CACNA1C: variants seen among roughly 807,000 people sequenced by gnomAD.
CACNA1C encodes voltage-dependent L-type calcium channel subunit alpha-1C.
In CACNA1C, 30 loss-of-function variants were observed where a neutral mutation model predicts 229.0. The observed-to-expected ratio is 0.13, with a 90% CI of 0.10 to 0.18. The LOEUF is 0.18. Among genes scored for constraint, CACNA1C ranks in the 10% least tolerant of loss-of-function variants. The pLI is 1.00. For missense variants in CACNA1C, 1,658 were observed against 2,845.0 expected, an observed-to-expected ratio of 0.58 and a Z score of 9.49; for synonymous variants, 1,114 against 1,132.5, an observed-to-expected ratio of 0.98 and a Z score of 0.33.
upstream of CACNA1C, among the ~76,000 whole-genome samples, chr12:2,051,149 T>C (rs925521195): frequency 6.6e-6 from 1 of 152,146 alleles, no homozygotes; most frequent in African/African-American, 2.4e-5. Context: ...GAGGTCCTGG[T>C]GAGCCTCACT....
intron 7 of CACNA1C, among the ~76,000 whole-genome samples, chr12:2,495,914 A>G (rs1013366871): frequency 3.9e-5 from 6 of 152,062 alleles, no homozygotes; most frequent in Non-Finnish European, 8.8e-5. Context: ...CCTGCTTTCA[A>G]TTTCTCTAAT....
intron 3 of CACNA1C, among the ~76,000 whole-genome samples, chr12:2,244,140 C>T (rs1416160788): frequency 6.6e-6 from 1 of 152,240 alleles, no homozygotes; most frequent in Non-Finnish European, 1.5e-5. Flanking sequence ...GGCTCAGATT[C>T]ATCTATCTGT....
At chr12:2,549,864 G>A (rs1262632770) in intron 9 of CACNA1C, 79 bp from the exon 10 acceptor site, 14 of 997,284 alleles carry the variant, frequency 1.4e-5, no homozygotes, top group East Asian at 5.2e-5. Context: ...TGCGGTGGGC[G>A]TGTTGCAAAC....
chr12:2,116,538 T>G (rs2083956421), intron 2 of CACNA1C, among the ~76,000 whole-genome samples: 1 of 152,168 alleles, frequency 6.6e-6, no homozygotes, highest in Admixed American at 6.5e-5. Context: ...GCTATTCTTT[T>G]TTGTATTTTT....
At chr12:2,187,428 G>A (rs75927909) in intron 3 of CACNA1C, among the ~76,000 whole-genome samples, 201 of 152,328 alleles carry the variant, frequency 1.3e-3, no homozygotes, top group Non-Finnish European at 2.1e-3. Context: ...GAGGTGGGGC[G>A]GTGGGCAGGA....
chr12:2,561,193 G>A (rs745312540), intron 11 of CACNA1C, among the ~76,000 whole-genome samples: 5 of 152,170 alleles, frequency 3.3e-5, no homozygotes, highest in Non-Finnish European at 7.3e-5. Flanking sequence ...CGATTCCTTC[G>A]TGGGTCTTGT....
chr12:2,323,460 A>T (rs910083821), intron 3 of CACNA1C, among the ~76,000 whole-genome samples: 1 of 152,122 alleles, frequency 6.6e-6, no homozygotes, highest in Non-Finnish European at 1.5e-5. Context: ...GCAGAATCTG[A>T]GAGGACGGTG....
At chr12:2,123,223 A>G (rs1015942935) in intron 3 of CACNA1C, among the ~76,000 whole-genome samples, 1 of 151,974 alleles carries the variant, frequency 6.6e-6, no homozygotes, top group Non-Finnish European at 1.5e-5. Flanking sequence ...AAAAATACAA[A>G]AAATTAGCCA....
At position 2,457,630 on chromosome 12, in the gene CACNA1C, A is replaced by G; in HGVS notation, c.681A>G (p.Lys227=). 6.2e-7 allele frequency: 1 copy of G among 1,613,162 alleles called. No homozygotes were observed. Among genetic ancestry groups the G allele is most frequent in the Non-Finnish European group, 8.5e-7 (1 of 1,179,522 alleles). Residue 227 remains lysine, a synonymous_variant, in exon 5 of 47, where the codon AAA becomes AAG. Coordinates refer to ENST00000399655, the MANE Select transcript of CACNA1C (RefSeq NM_000719.7). ...ATGGGGCAAACGCTCTCGGAGGGAAAGGGGCCGGATTTGATGTGAAGGCGC... is the reference window on the plus strand; with the variant it reads ...ATGGGGCAAACGCTCTCGGAGGGAAGGGGGCCGGATTTGATGTGAAGGCGC... ...KADGANALGG[K]GAGFDVKALR...
chr12:2,662,083 A>G (rs1427315917), intron 34 of CACNA1C, among the ~76,000 whole-genome samples: 1 of 152,126 alleles, frequency 6.6e-6, no homozygotes, highest in Non-Finnish European at 1.5e-5. Context: ...TCTACTAAAA[A>G]TACAAAAAAT....
chr12:1,970,921 G>A (rs1030074281), exon 1 of CACNA1C: 6 of 364,524 alleles, frequency 1.6e-5, no homozygotes, highest in South Asian at 7.2e-5. Context: ...GCAGCGATAC[G>A]ATACGGCCAT....
chr12:2,467,219 C>T lies in CACNA1C; in HGVS notation c.757+9513C>T, dbSNP rs564349336. On this transcript the variant is annotated intron_variant, in intron 5 of 46. Coordinates refer to ENST00000399655, the MANE Select transcript of CACNA1C (RefSeq NM_000719.7). This position sits in a 1 kb window ranked among gnomAD's most constrained non-coding sequence, Gnocchi z 4.6. ...CCACAGGAAGTACTCAAACCTTGTC[C>T]GCTGTATGTGTCTCATGGCACTGTT... 1.5e-4 allele frequency among the ~76,000 whole-genome samples: 23 copies of T among 152,292 alleles called. 2 individuals are homozygous for T. The highest frequency in any genetic ancestry group is 9.1e-4 in the Admixed American group (14 of 15,312).
At chr12:2,031,526 A>C (rs2048223384) in intron 1 of CACNA1C, among the ~76,000 whole-genome samples, 1 of 152,144 alleles carries the variant, frequency 6.6e-6, no homozygotes, top group Non-Finnish European at 1.5e-5. Context: ...AGGATTGGAT[A>C]ATGAGTTTCT....
intron 38 of CACNA1C, among the ~76,000 whole-genome samples, chr12:2,670,160 A>T (rs2096481344): frequency 6.6e-6 from 1 of 152,190 alleles, no homozygotes; most frequent in African/African-American, 2.4e-5. Flanking sequence ...AACCAACTAC[A>T]GAGATGATTC....
Position 2,566,423 on chromosome 12 carries a change from C to T in CACNA1C, c.1510C>T (p.Arg504Cys), listed in dbSNP as rs370634418. 8 of 1,589,160 alleles carry T rather than the reference C, an allele frequency of 5.0e-6. No individual in the cohort carries two copies. Among genetic ancestry groups the T allele is most frequent in the South Asian group, 2.3e-5 (2 of 86,636 alleles). ...CTTCTCTCCCTGTCCCCTTTCCAGC[C>T]GCTACTGGCGCCGGTGGAATCGGTT... ...AHRISKSKFS[R>C]YWRRWNRFCR... Residue 504 changes from arginine (R) to cysteine (C), a missense_variant and splice_region_variant, in exon 12 of 47, where the codon CGC becomes TGC. Physicochemically the swap from Arg to Cys is radical, Grantham distance 180. Transcript: ENST00000399655. This position sits in a 1 kb window ranked among gnomAD's most constrained non-coding sequence, Gnocchi z 4.0.
chr12:2,477,479 T>C (rs2239087), intron 5 of CACNA1C, among the ~76,000 whole-genome samples: 100,210 of 151,984 alleles, frequency 0.66, 33,678 homozygotes, highest in East Asian at 0.87. Context: ...TATCTGCGAG[T>C]CATCCTACAG....
intron 1 of CACNA1C, among the ~76,000 whole-genome samples, chr12:2,059,090 A>G (rs558842331): frequency 2.0e-5 from 3 of 152,152 alleles, no homozygotes; most frequent in African/African-American, 4.8e-5. Context: ...GGACCCGCGC[A>G]GGTCCCTGGA....
chr12:2,120,692 G>GTGTT (rs1555200309), intron 3 of CACNA1C, among the ~76,000 whole-genome samples: 277 of 150,654 alleles, frequency 1.8e-3, no homozygotes, highest in African/African-American at 6.5e-3. Context: ...GTGTGTGTGT[G>GTGTT]TGTGTTTAGT....
At chr12:2,100,959 G>A (rs1488820509) in intron 1 of CACNA1C, among the ~76,000 whole-genome samples, 2 of 145,260 alleles carry the variant, frequency 1.4e-5, no homozygotes, top group Non-Finnish European at 3.0e-5. Flanking sequence ...CCGTGATTCT[G>A]CCACTGCAGT....
Sources: allele counts gnomAD v4.1 joint callset (sites outside exome capture counted in the v4.1 genomes callset), GRCh38; gene constraint gnomAD v4.1.1; non-coding constraint Gnocchi (gnomAD v3.1); transcripts MANE v1.5; gene names NCBI Gene and HGNC (gene_info 2026-07-23, HGNC 2026-07-21).